The following GON4L variants were observed in gnomAD, a reference collection of about 807,000 sequenced individuals.
GON4L encodes the protein gon-4 like.
Under a neutral mutation model 211.8 loss-of-function variants are expected in GON4L, and 87 were observed. That is an observed-to-expected ratio of 0.41 (90% CI 0.35 to 0.49). The LOEUF is 0.49. Ranked by LOEUF, GON4L falls within the 20% of genes least tolerant of loss-of-function variation. The pLI, the probability that GON4L is intolerant of heterozygous loss-of-function variation, is 0.15. For missense variants in GON4L, 2,155 were observed against 2,659.5 expected (o/e 0.81, Z 4.17); for synonymous variants, 875 against 962.6 (o/e 0.91, Z 1.68).
Position 155,757,943 on chromosome 1 carries a change from ATCT to A in GON4L, c.5198_5200del (p.Lys1733del). On this transcript the variant is annotated inframe_deletion, in exon 25 of 32. Transcript: ENST00000368331. ...TGCACAGCCTTGGAGGACCTTGATA[ATCT>A]TCTGGTGGTGTGAGGGGTTCTCTGC... The A allele has an allele frequency of 2.3e-6, 1 of 435,188 alleles. No homozygotes were observed. Among genetic ancestry groups the A allele is most frequent in the Non-Finnish European group, 3.9e-6 (1 of 257,120 alleles). 27.0% of individuals were successfully genotyped at this position (435,188 alleles called of 1,614,324 possible).
At position 155,822,389 on chromosome 1, in the gene GON4L, G is replaced by GTCCCT; in HGVS notation, c.780_784dup (p.Thr262LysfsTer8). On this transcript the variant is annotated frameshift_variant, in exon 4 of 32. Transcript: ENST00000368331. LOFTEE classifies it high-confidence loss of function. ...ATCCAGTTTCAGGTCATATGCCAAG[G>GTCCCT]TCCCTTCTTGACCCCTTCCATCTCG... 6.2e-7 allele frequency: 1 copy of GTCCCT among 1,613,550 alleles called. No homozygotes were observed. Among genetic ancestry groups the GTCCCT allele is most frequent in the Non-Finnish European group, 8.5e-7 (1 of 1,179,516 alleles).
At chr1:155,749,551 G>A, downstream of GON4L, 1 of 1,415,614 alleles carries the variant, frequency 7.1e-7, no homozygotes, top group Non-Finnish European at 9.6e-7. Flanking sequence ...ACTCCCTGCA[G>A]GGTGGCTCCT....
chr1:155,811,754 C>CAAAAAAAAAAAAAA lies in GON4L; in HGVS notation c.1452+1866_1452+1879dup, dbSNP rs145360103. On this transcript the variant is annotated intron_variant, in intron 10 of 31. Coordinates refer to ENST00000368331, the MANE Select transcript of GON4L (RefSeq NM_001282860.2). ...CTGGGAGACAGGCAAGACTCTGTCT[C>CAAAAAAAAAAAAAA]AAAAAAAAAAAAAAAAAAAAAAAAA... Among the ~76,000 whole-genome samples, 8 of 33,052 alleles carry CAAAAAAAAAAAAAA rather than the reference C, an allele frequency of 2.4e-4. 1 individual carries two copies. The highest frequency in any genetic ancestry group is 1.2e-3 in the African/African-American group (8 of 6,824). 21.7% of individuals were successfully genotyped at this position (33,052 alleles called of 152,430 possible).
At chr1:155,829,833 T>C (rs916888377) in intron 2 of GON4L, among the ~76,000 whole-genome samples, 15 of 151,878 alleles carry the variant, frequency 9.9e-5, no homozygotes, top group African/African-American at 3.6e-4. Context: ...GGGAAATAAA[T>C]TGAAAAGCAT....
chr1:155,775,027 G>C lies in GON4L; in HGVS notation c.2325C>G (p.Ser775Arg). Reference sequence around the variant, plus strand: ...CAGTCTTCTTGACAGTTTTATGAGGGCTGCAGTCAATGCTGACATGTGTGC... The same window carrying C: ...CAGTCTTCTTGACAGTTTTATGAGGCCTGCAGTCAATGCTGACATGTGTGC... ...DFSTHVSIDCSPHKTVKKTAN... is the reference protein window; with the variant it reads ...DFSTHVSIDCRPHKTVKKTAN... Residue 775 changes from serine to arginine, a missense_variant, in exon 17 of 32, where the codon AGC becomes AGG. By Grantham distance (110) the Ser-to-Arg change is moderately radical. Coordinates refer to ENST00000368331, the MANE Select transcript of GON4L (RefSeq NM_001282860.2). 6.2e-7 allele frequency: 1 copy of C among 1,612,564 alleles called. No individual in the cohort carries two copies. Among genetic ancestry groups the C allele is most frequent in the Non-Finnish European group, 8.5e-7 (1 of 1,178,770 alleles).
intron 12 of GON4L, among the ~76,000 whole-genome samples, chr1:155,791,491 GAA>G (rs77118374): frequency 2.3e-5 from 3 of 128,182 alleles, no homozygotes; most frequent in East Asian, 2.2e-4. Context: ...TTTGCATAGG[GAA>G]AAAAAAAAAA....
chr1:155,842,647 C>T (rs1222895902), intron 2 of GON4L, among the ~76,000 whole-genome samples: 1 of 151,578 alleles, frequency 6.6e-6, no homozygotes, highest in African/African-American at 2.4e-5. Flanking sequence ...ACCATCCTGG[C>T]CAACATGGTG....
chr1:155,788,614 A>C (rs1665192554), intron 12 of GON4L, among the ~76,000 whole-genome samples: 1 of 152,178 alleles, frequency 6.6e-6, no homozygotes, highest in African/African-American at 2.4e-5. Flanking sequence ...AAAAATAGAT[A>C]ATCTGTAGTA....
At chr1:155,747,685 T>G (rs775187678), downstream of GON4L, 7 of 1,613,878 alleles carry the variant, frequency 4.3e-6, no homozygotes, top group East Asian at 1.6e-4. Context: ...TTGCAGGTAG[T>G]GGCGTGGCAA....
intron 2 of GON4L, among the ~76,000 whole-genome samples, chr1:155,842,907 C>T (rs1670908092): frequency 1.3e-5 from 2 of 152,034 alleles, no homozygotes; most frequent in Admixed American, 1.3e-4. Flanking sequence ...GAAGGGCACC[C>T]ACTCCCCATT....
intron 11 of GON4L, among the ~76,000 whole-genome samples, chr1:155,795,876 G>A (rs963164679): frequency 2.6e-5 from 4 of 152,102 alleles, no homozygotes; most frequent in Non-Finnish European, 5.9e-5. Context: ...GGGCTCAAGC[G>A]ATCTGAATGC....
intron 31 of GON4L, among the ~76,000 whole-genome samples, chr1:155,751,410 G>A (rs989363230): frequency 1.6e-4 from 25 of 152,146 alleles, no homozygotes; most frequent in Non-Finnish European, 3.5e-4. Flanking sequence ...GCCTGGCATG[G>A]TGGTGGGTGC....
At chr1:155,781,474 A>T (rs960608046) in intron 14 of GON4L, among the ~76,000 whole-genome samples, 2 of 92,858 alleles carry the variant, frequency 2.2e-5, no homozygotes, top group African/African-American at 7.8e-5. Context: ...TATTATTATT[A>T]TTTTTTGAGA....
intron 1 of GON4L, among the ~76,000 whole-genome samples, chr1:155,855,097 T>A (rs1294669453): frequency 2.0e-5 from 3 of 152,048 alleles, no homozygotes; most frequent in Non-Finnish European, 4.4e-5. Flanking sequence ...ACAAGGAAGA[T>A]AAGAGTCCTA....
intron 6 of GON4L, among the ~76,000 whole-genome samples, chr1:155,816,925 T>C (rs1257609098): frequency 1.3e-5 from 2 of 152,124 alleles, no homozygotes; most frequent in South Asian, 2.1e-4. Context: ...TTTAGATTCA[T>C]TGTAACAATC....
intron 2 of GON4L, among the ~76,000 whole-genome samples, chr1:155,832,628 G>A (rs1167763001): frequency 6.6e-6 from 1 of 152,194 alleles, no homozygotes; most frequent in Admixed American, 6.5e-5. Flanking sequence ...GACAGAGCGA[G>A]ACTCTGTCTC....
chr1:155,841,029 C>T (rs553686941), intron 2 of GON4L, among the ~76,000 whole-genome samples: 2 of 152,086 alleles, frequency 1.3e-5, no homozygotes, highest in Admixed American at 6.5e-5. Flanking sequence ...GAGTGAAACT[C>T]AGTCTCAAAA....
intron 19 of GON4L, among the ~76,000 whole-genome samples, chr1:155,767,953 GTGGTGTGAAAGGCAT>G (rs1662710549): frequency 6.6e-6 from 1 of 152,074 alleles, no homozygotes. Flanking sequence ...TAAGCAAATG[GTGGTGTGAAAGGCAT>G]TAGAAGAGAA....
chr1:155,777,321 C>A (rs934564344), intron 15 of GON4L, among the ~76,000 whole-genome samples: 3 of 152,168 alleles, frequency 2.0e-5, no homozygotes, highest in South Asian at 2.1e-4. Context: ...TGGCTCACGC[C>A]TGTAATCCCA....
Sources: gnomAD v4.1 joint callset for allele counts (sites outside exome capture counted in the v4.1 genomes callset) on GRCh38, gnomAD v4.1.1 for gene constraint, MANE v1.5 for transcripts, NCBI Gene and HGNC (gene_info 2026-07-23, HGNC 2026-07-21) for gene names.